Variants in PCMT1 observed in about 807,000 individuals in gnomAD.
The protein encoded by PCMT1 is protein-L-isoaspartate(D-aspartate) O-methyltransferase.
A neutral mutation model predicts 29.2 loss-of-function variants in PCMT1; 9 were observed. The observed-to-expected ratio is 0.31, with a 90% CI of 0.19 to 0.54. PCMT1 has a LOEUF of 0.54. Ranked by LOEUF, PCMT1 falls within the 20% of genes least tolerant of loss-of-function variation. PCMT1 has a pLI of 0.95. For missense variants in PCMT1, 184 were observed against 282.2 expected, an observed-to-expected ratio of 0.65 and a Z score of 2.49; for synonymous variants, 98 against 97.5, an observed-to-expected ratio of 1.00 and a Z score of -0.03.
rs562572933 is a variant in PCMT1, at chr6:149,810,890, G to T, written c.*312G>T. 5.6e-6 allele frequency: 2 copies of T among 359,438 alleles called. No homozygotes were observed. Among genetic ancestry groups the T allele is most frequent in the Non-Finnish European group, 1.0e-5 (2 of 200,900 alleles). 22.3% of individuals were successfully genotyped at this position (359,438 alleles called of 1,614,324 possible). ...TTTACTTGGAAATATTAAAAGAAAG[G>T]GTTCTGTAAAATGGAAAACTTAGTT... is the stretch of plus-strand genomic sequence containing the variant. On this transcript the variant is annotated 3_prime_UTR_variant, in exon 8 of 8. Coordinates refer to ENST00000464889, the MANE Select transcript of PCMT1 (RefSeq NM_001360452.2).
intron 3 of PCMT1, among the ~76,000 whole-genome samples, chr6:149,780,046 A>G (rs1226889367): frequency 1.3e-5 from 2 of 151,686 alleles, no homozygotes; most frequent in African/African-American, 4.8e-5. Context: ...CTTTATTAAG[A>G]TACAATTCTT....
chr6:149,801,154 A>G (rs1206887303), intron 6 of PCMT1, among the ~76,000 whole-genome samples: 1 of 152,190 alleles, frequency 6.6e-6, no homozygotes, highest in South Asian at 2.1e-4. Context: ...AGATTTTTTC[A>G]CATTTTGGAA....
At chr6:149,762,129 G>C (rs1291049392) in intron 1 of PCMT1, among the ~76,000 whole-genome samples, 1 of 151,330 alleles carries the variant, frequency 6.6e-6, no homozygotes, top group Non-Finnish European at 1.5e-5. Flanking sequence ...TATCCTCTGT[G>C]CCCGTTTTCA....
Position 149,810,800 on chromosome 6 carries a change from G to C in PCMT1, c.*222G>C, listed in dbSNP as rs532816464. The stretch of plus-strand genomic sequence containing the variant: ...TTCTGATTCTTCAAAGAGGCACAGA[G>C]CCAAATTGGTAGAGGAAGGATGCAA... On this transcript the variant is annotated 3_prime_UTR_variant, in exon 8 of 8. Coordinates refer to ENST00000464889, the MANE Select transcript of PCMT1 (RefSeq NM_001360452.2). 16 of 492,666 alleles carry C rather than the reference G, an allele frequency of 3.2e-5. No individual in the cohort carries two copies. In the Admixed American group the frequency reaches 3.9e-4, roughly 12 times the overall value. 30.5% of individuals were successfully genotyped at this position (492,666 alleles called of 1,614,324 possible).
chr6:149,795,480 T>G (rs939492189), intron 5 of PCMT1: 21 of 397,302 alleles, frequency 5.3e-5, no homozygotes, highest in Non-Finnish European at 9.6e-5. Flanking sequence ...AACACTATAT[T>G]TGTTGTAGAC....
chr6:149,758,226 T>TTTTTTTTTTTTTTTTC (rs1426060535), intron 1 of PCMT1, among the ~76,000 whole-genome samples: 9 of 142,458 alleles, frequency 6.3e-5, no homozygotes, highest in African/African-American at 2.4e-4. Flanking sequence ...TTTTTTTTTT[T>TTTTTTTTTTTTTTTTC]CTGAGACAGA....
At chr6:149,787,149 G>A (rs1322160173) in intron 3 of PCMT1, among the ~76,000 whole-genome samples, 1 of 146,818 alleles carries the variant, frequency 6.8e-6, no homozygotes, top group Non-Finnish European at 1.5e-5. Context: ...GTGGTGGCGC[G>A]CGCCTGCAAT....
chr6:149,771,001 A>G (rs201532086), intron 1 of PCMT1, among the ~76,000 whole-genome samples, 161 bp from the exon 2 acceptor site: 5 of 147,490 alleles, frequency 3.4e-5, no homozygotes, highest in Admixed American at 6.8e-5. Context: ...TCTGTCTCAG[A>G]AAAAAAAAAA....
At position 149,750,163 on chromosome 6, in the gene PCMT1, G is replaced by A. The variant is rs1786244894; in HGVS notation, c.55+207G>A. ...TCGTCGACGACGTGGACTGGAAGGG[G>A]AGAGAAAGAGCCAGGGGCCGCTGCT... On this transcript the variant is annotated intron_variant, in intron 1 of 7. Transcript: ENST00000464889. 5.7e-6 allele frequency: 4 copies of A among 696,610 alleles called. No homozygotes were observed. The South Asian group carries it at 8.1e-5, about 14-fold the overall frequency. 43.2% of individuals were successfully genotyped at this position (696,610 alleles called of 1,614,324 possible).
intron 1 of PCMT1, among the ~76,000 whole-genome samples, chr6:149,751,476 CTTTTTTT>C (rs76128652): frequency 3.4e-5 from 4 of 116,556 alleles, no homozygotes; most frequent in South Asian, 2.9e-4. Flanking sequence ...ATGGTTGGTA[CTTTTTTT>C]TTTTTTTTTT....
intron 5 of PCMT1, chr6:149,794,694 G>A: frequency 2.5e-6 from 1 of 397,884 alleles, no homozygotes; most frequent in Non-Finnish European, 5.0e-6. Context: ...TCTGGCTGAG[G>A]AGGAAGTGGA....
At chr6:149,803,052 C>CAAAAAAAAAAAAA (rs60853264) in intron 7 of PCMT1, among the ~76,000 whole-genome samples, 7 of 70,576 alleles carry the variant, frequency 9.9e-5, no homozygotes, top group Non-Finnish European at 1.4e-4. Flanking sequence ...GGCTCTGTCT[C>CAAAAAAAAAAAAA]AAAAAAAAAA....
intron 7 of PCMT1, among the ~76,000 whole-genome samples, chr6:149,809,117 G>T (rs531702507): frequency 3.0e-4 from 45 of 150,048 alleles, no homozygotes; most frequent in African/African-American, 1.1e-3. Context: ...AATTTAGCCG[G>T]GTATGGTGGT....
intron 1 of PCMT1, among the ~76,000 whole-genome samples, chr6:149,766,713 T>A (rs1018553451): frequency 6.6e-6 from 1 of 152,202 alleles, no homozygotes; most frequent in Non-Finnish European, 1.5e-5. Flanking sequence ...CCTTTACAGT[T>A]GTTTGCTGAT....
chr6:149,755,311 G>A (rs932741844), intron 1 of PCMT1, among the ~76,000 whole-genome samples: 1 of 152,044 alleles, frequency 6.6e-6, no homozygotes, highest in Non-Finnish European at 1.5e-5. Context: ...TCAGCTACAT[G>A]AGCTACGTGG....
At chr6:149,781,584 G>A (rs962993890) in intron 3 of PCMT1, among the ~76,000 whole-genome samples, 24 of 152,136 alleles carry the variant, frequency 1.6e-4, no homozygotes, top group Non-Finnish European at 2.9e-4. Flanking sequence ...TCAAACTCCT[G>A]AGCTCAAGCA....
At chr6:149,760,629 G>A (rs1368830548) in intron 1 of PCMT1, among the ~76,000 whole-genome samples, 9 of 152,088 alleles carry the variant, frequency 5.9e-5, no homozygotes, top group African/African-American at 1.2e-4. Context: ...CGAGGTGGGC[G>A]GATCACGAGG....
intron 5 of PCMT1, chr6:149,795,577 A>C: frequency 1.9e-6 from 1 of 524,898 alleles, no homozygotes; most frequent in Non-Finnish European, 3.5e-6. Flanking sequence ...ACACAACCCA[A>C]TGAGAAAGGA....
chr6:149,773,539 C>T (rs763383026), intron 3 of PCMT1, among the ~76,000 whole-genome samples: 4 of 152,202 alleles, frequency 2.6e-5, no homozygotes, highest in South Asian at 2.1e-4. Flanking sequence ...CCACGATGCC[C>T]GGCTAATTTT....
Sources: gnomAD v4.1 joint callset for allele counts (sites outside exome capture counted in the v4.1 genomes callset) on GRCh38, gnomAD v4.1.1 for gene constraint, MANE v1.5 for transcripts, NCBI Gene and HGNC (gene_info 2026-07-23, HGNC 2026-07-21) for gene names.